HTR2A: variants seen among roughly 807,000 people sequenced by gnomAD.
The protein encoded by HTR2A is 5-HT2 receptor.
Under a neutral mutation model 31.0 loss-of-function variants are expected in HTR2A, and 14 were observed. That is an observed-to-expected ratio of 0.45 (90% confidence interval 0.30 to 0.71). The LOEUF (loss-of-function observed/expected upper bound fraction) is 0.71, where lower values mean the gene tolerates loss of function less well. HTR2A is among the 30% of genes least tolerant of loss of function. The pLI is 0.09. For missense variants in HTR2A, 442 were observed against 573.3 expected (o/e 0.77, Z 2.34); for synonymous variants, 209 against 225.2 (o/e 0.93, Z 0.64).
At position 46,855,484 on chromosome 13, in the gene HTR2A, A is replaced by G. The variant is rs977978537; in HGVS notation, c.614-19845T>C. ...GTCTCAATTTCCACTTTCCCAGTTC[A>G]GTGTGGGTGGATGGGGAAGGTGCTC... On this transcript the variant is annotated intron_variant, in intron 3 of 3. Transcript: ENST00000542664. 5.9e-5 allele frequency among the ~76,000 whole-genome samples: 9 copies of G among 152,256 alleles called. No homozygotes were observed. The East Asian group carries it at 1.4e-3, about 23-fold the overall frequency.
At chr13:46,893,330 C>T (rs558674411) in intron 2 of HTR2A, among the ~76,000 whole-genome samples, 1 of 152,322 alleles carries the variant, frequency 6.6e-6, no homozygotes, top group South Asian at 2.1e-4. Flanking sequence ...GCTGGACCTC[C>T]GTCCAGAGGT....
At chr13:46,897,063 G>A (rs887813386), upstream of HTR2A, 1 of 507,710 alleles carries the variant, frequency 2.0e-6, no homozygotes, top group Admixed American at 4.0e-5. Flanking sequence ...TGACTGTCTC[G>A]TTCATTTCAT....
intron 3 of HTR2A, chr13:46,856,437 G>T (rs1050987614): frequency 6.2e-4 from 94 of 152,016 alleles, no homozygotes; most frequent in African/African-American, 2.3e-3. Flanking sequence ...AATGCAGCAG[G>T]GTTTTGAAGA....
At chr13:46,886,702 A>C (rs1295369396) in intron 3 of HTR2A, among the ~76,000 whole-genome samples, 1 of 152,144 alleles carries the variant, frequency 6.6e-6, no homozygotes, top group Admixed American at 6.5e-5. Flanking sequence ...GGATGTTAAG[A>C]AGTTAAGATT....
At chr13:46,887,988 T>A (rs958253821) in intron 3 of HTR2A, among the ~76,000 whole-genome samples, 2 of 151,900 alleles carry the variant, frequency 1.3e-5, no homozygotes, top group Admixed American at 1.3e-4. Context: ...GGTAATGGGA[T>A]GATCTGTGCA....
intron 3 of HTR2A, among the ~76,000 whole-genome samples, chr13:46,851,826 A>G (rs1171006560): frequency 1.3e-5 from 2 of 152,242 alleles, no homozygotes; most frequent in Non-Finnish European, 2.9e-5. Context: ...AAAGATGCCT[A>G]CGCCTAACTC....
chr13:46,881,825 C>T (rs1194834270), intron 3 of HTR2A, among the ~76,000 whole-genome samples: 1 of 152,146 alleles, frequency 6.6e-6, no homozygotes, highest in African/African-American at 2.4e-5. Context: ...GGAATGTCCT[C>T]CAGTGTAAAG....
rs768489549 is a variant in HTR2A, at chr13:46,895,788, G to C, written c.119C>G (p.Ser40Cys). 1 of 1,614,186 alleles carries C rather than the reference G, an allele frequency of 6.2e-7. No homozygotes were observed. The highest frequency in any genetic ancestry group is 8.5e-7 in the Non-Finnish European group (1 of 1,180,022). Residue 40 changes from serine to cysteine, a missense_variant, in exon 2 of 4, where the codon TCT becomes TGT. Around this residue, in one of 5 missense-constraint regions of HTR2A, gnomAD observed 83 missense variants for 84.8 expected, o/e 0.98. Transcript: ENST00000542664. This position sits in a 1 kb window ranked among gnomAD's most constrained non-coding sequence, Gnocchi z 4.4. The stretch of plus-strand genomic sequence containing the variant: ...GTCGACTGTCCAGTTAAATGCATCA[G>C]AAGTGTTAGCTTCTCCGGAGTTAAA... Reference protein sequence around the residue: ...NDFNSGEANTSDAFNWTVDSE... With the variant: ...NDFNSGEANTCDAFNWTVDSE...
In HTR2A at chr13:46,835,630, A is replaced by T; in HGVS notation, c.623T>A (p.Met208Lys). Residue 208 changes from methionine to lysine, a missense_variant, in exon 4 of 4, where the codon ATG becomes AAG. Met to Lys is a moderately conservative substitution (Grantham distance 95). Transcript: ENST00000542664. ...AVWTISVGIS[M>K]PIPVFGLQDD... Reference sequence around the variant, plus strand: ...CTGTAGCCCAAAGACTGGTATTGGCATGGATATACCTGGAGTTGAACAGAA... The same window carrying T: ...CTGTAGCCCAAAGACTGGTATTGGCTTGGATATACCTGGAGTTGAACAGAA... 6.2e-7 allele frequency: 1 copy of T among 1,611,550 alleles called. No individual in the cohort carries two copies.
At chr13:46,863,468 C>G (rs1950794949) in intron 3 of HTR2A, among the ~76,000 whole-genome samples, 1 of 150,356 alleles carries the variant, frequency 6.7e-6, no homozygotes, top group Non-Finnish European at 1.5e-5. Flanking sequence ...ACAAAAAGTA[C>G]AAAAATTAGC....
intron 3 of HTR2A, among the ~76,000 whole-genome samples, chr13:46,873,334 C>A (rs950536260): frequency 6.6e-6 from 1 of 150,734 alleles, no homozygotes; most frequent in Non-Finnish European, 1.5e-5. Flanking sequence ...AGGTTCAAAG[C>A]GAATCTTTAA....
chr13:46,844,657 T>C (rs1446204815), intron 3 of HTR2A, among the ~76,000 whole-genome samples: 3 of 152,180 alleles, frequency 2.0e-5, no homozygotes, highest in Non-Finnish European at 2.9e-5. Flanking sequence ...ACAAAGTGTC[T>C]TTCAGGTAAA....
intron 3 of HTR2A, among the ~76,000 whole-genome samples, chr13:46,873,027 C>G (rs1021064865): frequency 1.3e-5 from 2 of 152,180 alleles, no homozygotes; most frequent in African/African-American, 4.8e-5. Context: ...CGTGAGCCAC[C>G]GCACCCGGCC....
chr13:46,871,589 A>G (rs1950863437), intron 3 of HTR2A, among the ~76,000 whole-genome samples: 1 of 152,246 alleles, frequency 6.6e-6, no homozygotes, highest in Non-Finnish European at 1.5e-5. Flanking sequence ...AGTTTATTAC[A>G]CCAAGAACCA....
At chr13:46,845,503 G>T (rs1365954791) in intron 3 of HTR2A, among the ~76,000 whole-genome samples, 1 of 152,062 alleles carries the variant, frequency 6.6e-6, no homozygotes, top group East Asian at 1.9e-4. Flanking sequence ...AATCAGTTTT[G>T]TTCCTTCATC....
At chr13:46,870,538 A>G (rs1238934345) in intron 3 of HTR2A, among the ~76,000 whole-genome samples, 1 of 152,220 alleles carries the variant, frequency 6.6e-6, no homozygotes, top group Non-Finnish European at 1.5e-5. Context: ...TTGTGCTAGG[A>G]TTAAAACATT....
rs1951104479 is a variant in HTR2A at position 46,896,272 on chromosome 13, CTTGT to C, written c.-328-42_-328-39del. 6.6e-6 allele frequency: 7 copies of C among 1,067,352 alleles called. No individual in the cohort carries two copies. The South Asian group carries it at 2.3e-4, about 35-fold the overall frequency. The allele number at this position is 1,067,352 out of a possible 1,614,324, so 66.1% of individuals were successfully genotyped here. ...GAAAAGTTTTATAACTACTGGGACT[CTTGT>C]TTAACTATATCTCATTTTGTTGGTT... On this transcript the variant is annotated intron_variant, in intron 1 of 3. Coordinates refer to ENST00000542664, the MANE Select transcript of HTR2A (RefSeq NM_000621.5).
chr13:46,881,915 C>T (rs1220578641), intron 3 of HTR2A, among the ~76,000 whole-genome samples: 2 of 151,980 alleles, frequency 1.3e-5, no homozygotes, highest in African/African-American at 2.4e-5. Context: ...CCAGAAGATA[C>T]GGTATCATAG....
chr13:46,843,351 A>G, intron 3 of HTR2A, among the ~76,000 whole-genome samples: 1 of 152,202 alleles, frequency 6.6e-6, no homozygotes, highest in Non-Finnish European at 1.5e-5. Context: ...AGTGTCTGGC[A>G]TCCACTAGGG....
Sources: allele counts gnomAD v4.1 joint callset (sites outside exome capture counted in the v4.1 genomes callset), GRCh38; gene constraint gnomAD v4.1.1; regional missense constraint gnomAD v4.1.1; non-coding constraint Gnocchi (gnomAD v3.1); transcripts MANE v1.5; gene names NCBI Gene and HGNC (gene_info 2026-07-23, HGNC 2026-07-21).